The following ARMC2 variants were observed in gnomAD, a reference collection of about 807,000 sequenced individuals.
The protein encoded by ARMC2 is armadillo repeat-containing protein 2.
In ARMC2, 67 loss-of-function variants were observed where a neutral mutation model predicts 90.3. The observed-to-expected ratio is 0.74, with a 90% CI of 0.61 to 0.91. The LOEUF is 0.91. Ranked by LOEUF, ARMC2 falls within the 40% of genes least tolerant of loss-of-function variation. ARMC2 has a pLI of 0.00. For missense variants in ARMC2, 920 were observed against 1,030.9 expected, an observed-to-expected ratio of 0.89 and a Z score of 1.47; for synonymous variants, 393 against 393.0, an observed-to-expected ratio of 1.00 and a Z score of 0.00.
the ARMC2 span, among the ~76,000 whole-genome samples, chr6:109,045,973 T>C: frequency 6.6e-6 from 1 of 152,250 alleles, no homozygotes; most frequent in Non-Finnish European, 1.5e-5. Context: ...AAGCGTATTC[T>C]GTCTTTTGCT....
rs114066855 is a variant in ARMC2, at chr6:108,851,138, A to G, written c.-44+2592A>G. On this transcript the variant is annotated intron_variant, in intron 1 of 17. Coordinates refer to ENST00000392644, the MANE Select transcript of ARMC2 (RefSeq NM_032131.6). ...ATTTAATTTATTTGGTTCAGCCCCA[A>G]TGGCCATTTTCAGAGTTCCCTCTTG... Among the ~76,000 whole-genome samples, 726 of 152,212 alleles carry G rather than the reference A, an allele frequency of 4.8e-3. 3 individuals are homozygous for G. Among genetic ancestry groups the G allele is most frequent in the African/African-American group, 0.016 (674 of 41,522 alleles).
intron 1 of ARMC2, among the ~76,000 whole-genome samples, chr6:108,849,511 C>G (rs1562311619): frequency 6.6e-6 from 1 of 152,094 alleles, no homozygotes; most frequent in East Asian, 1.9e-4. Context: ...CACATGTACC[C>G]TAGAACTTAA....
At chr6:108,890,565 A>G (rs939238997) in intron 5 of ARMC2, among the ~76,000 whole-genome samples, 15 of 145,022 alleles carry the variant, frequency 1.0e-4, no homozygotes, top group African/African-American at 3.7e-4. Context: ...ATCTCTATTT[A>G]AAAAAAAAAA....
chr6:108,928,492 G>C (rs116686851), intron 11 of ARMC2, among the ~76,000 whole-genome samples: 1 of 152,102 alleles, frequency 6.6e-6, no homozygotes, highest in South Asian at 2.1e-4. Context: ...TGTGAGCTAC[G>C]TGTGTGTGTT....
chr6:109,011,750 T>C, the ARMC2 span, among the ~76,000 whole-genome samples: 1 of 151,588 alleles, frequency 6.6e-6, no homozygotes, highest in South Asian at 2.1e-4. Context: ...CACCTCAGCC[T>C]CCTGAGTAGC....
chr6:108,887,707 C>T (rs1770503942), intron 5 of ARMC2, among the ~76,000 whole-genome samples: 1 of 152,210 alleles, frequency 6.6e-6, no homozygotes, highest in South Asian at 2.1e-4. Flanking sequence ...CAGTGCCAAT[C>T]TGCCTGTACG....
chr6:109,022,622 G>C, the ARMC2 span, among the ~76,000 whole-genome samples: 2 of 151,604 alleles, frequency 1.3e-5, no homozygotes, highest in South Asian at 2.1e-4. Context: ...TTTCACCATA[G>C]CCAGGATGGT....
chr6:108,997,244 T>C, the ARMC2 span, among the ~76,000 whole-genome samples: 3 of 152,216 alleles, frequency 2.0e-5, no homozygotes, highest in Admixed American at 6.5e-5. Flanking sequence ...ATTCTTTTAA[T>C]AGAAGGAGAA....
chr6:108,884,341 AT>A (rs1297795563), intron 5 of ARMC2, among the ~76,000 whole-genome samples: 2 of 152,180 alleles, frequency 1.3e-5, no homozygotes, highest in African/African-American at 2.4e-5. Context: ...TAGAATCTGC[AT>A]TTTTATAAGA....
chr6:108,879,592 GTCCATCCATCCATCCA>G (rs539899853), intron 5 of ARMC2, among the ~76,000 whole-genome samples: 2 of 113,480 alleles, frequency 1.8e-5, no homozygotes, highest in Admixed American at 2.4e-4. Context: ...CCACCTGTTC[GTCCATCCATCCATCCA>G]TCCATCCATC....
chr6:108,854,374 C>A lies in ARMC2; in HGVS notation c.107C>A (p.Ala36Glu), dbSNP rs1451861103. ...SAEIISEARN[A>E]LRTVRTQRPF... ...GAAATCATAAGTGAAGCAAGAAATGCATTAAGAACAGTTAGAACCCAAAGA... is the reference window on the plus strand; with the variant it reads ...GAAATCATAAGTGAAGCAAGAAATGAATTAAGAACAGTTAGAACCCAAAGA... The change falls in exon 2 of 18, where the codon GCA becomes GAA. Residue 36 changes from alanine to glutamate, a missense_variant. Coordinates refer to ENST00000392644, the MANE Select transcript of ARMC2 (RefSeq NM_032131.6). The A allele has an allele frequency of 6.2e-7, 1 of 1,612,820 alleles. No homozygotes were observed. The highest frequency in any genetic ancestry group is 8.5e-7 in the Non-Finnish European group (1 of 1,179,664).
At chr6:108,908,575 C>T (rs1157662819) in intron 8 of ARMC2, among the ~76,000 whole-genome samples, 1 of 152,094 alleles carries the variant, frequency 6.6e-6, no homozygotes, top group African/African-American at 2.4e-5. Flanking sequence ...GCCTGGGCAA[C>T]ATCTCTACAA....
chr6:108,852,348 A>G (rs1033251052), intron 1 of ARMC2, among the ~76,000 whole-genome samples: 5 of 152,222 alleles, frequency 3.3e-5, no homozygotes, highest in African/African-American at 1.2e-4. Flanking sequence ...CTCACAATAT[A>G]ATTGTTAAAG....
At chr6:108,903,847 C>T (rs1481268708) in intron 7 of ARMC2, among the ~76,000 whole-genome samples, 1 of 152,006 alleles carries the variant, frequency 6.6e-6, no homozygotes, top group Admixed American at 6.6e-5. Flanking sequence ...TAGAGCTATG[C>T]AAAAAAGAGT....
chr6:108,915,234 G>A (rs1773833807), intron 10 of ARMC2, among the ~76,000 whole-genome samples: 1 of 152,132 alleles, frequency 6.6e-6, no homozygotes, highest in Non-Finnish European at 1.5e-5. Context: ...GGGATTATAG[G>A]TGTGAGTTAC....
chr6:108,998,826 A>G, the ARMC2 span: 2 of 1,467,692 alleles, frequency 1.4e-6, no homozygotes, highest in African/African-American at 1.4e-5. Context: ...TCATTTTAGT[A>G]TTTAATTTAT....
the ARMC2 span, among the ~76,000 whole-genome samples, chr6:109,016,071 A>T: frequency 6.6e-6 from 1 of 152,340 alleles, no homozygotes; most frequent in Non-Finnish European, 1.5e-5. Flanking sequence ...CACAGACTTA[A>T]TGGAACTGAA....
the ARMC2 span, among the ~76,000 whole-genome samples, chr6:109,036,098 T>C: frequency 6.6e-6 from 1 of 152,124 alleles, no homozygotes; most frequent in Non-Finnish European, 1.5e-5. Flanking sequence ...TTCTAGCCTC[T>C]TATTAGGACC....
At chr6:108,942,112 G>A (rs1776488102) in intron 12 of ARMC2, among the ~76,000 whole-genome samples, 1 of 152,096 alleles carries the variant, frequency 6.6e-6, no homozygotes, top group Non-Finnish European at 1.5e-5. Context: ...ATCCACTACT[G>A]CGAGTTCCTA....
Sources: gnomAD v4.1 joint callset for allele counts (sites outside exome capture counted in the v4.1 genomes callset) on GRCh38, gnomAD v4.1.1 for gene constraint, MANE v1.5 for transcripts, NCBI Gene and HGNC (gene_info 2026-07-23, HGNC 2026-07-21) for gene names.